SLC35F3: variants seen among roughly 807,000 people sequenced by gnomAD.
SLC35F3 encodes solute carrier family 35 member F3.
A neutral mutation model predicts 49.9 loss-of-function variants in SLC35F3; 25 were observed. That is an observed-to-expected ratio of 0.50 (90% CI 0.37 to 0.70). The LOEUF (loss-of-function observed/expected upper bound fraction) is 0.70, where lower values mean the gene tolerates loss of function less well. SLC35F3 is among the 30% of genes least tolerant of loss of function. The pLI, the probability that SLC35F3 is intolerant of heterozygous loss-of-function variation, is 0.00. For synonymous variants in SLC35F3, 275 were observed against 265.4 expected (o/e 1.04, Z -0.35); for missense variants, 525 against 639.8 (o/e 0.82, Z 1.94).
intron 2 of SLC35F3, among the ~76,000 whole-genome samples, chr1:234,121,303 A>AT (rs1015203882): frequency 1.3e-5 from 2 of 151,416 alleles, no homozygotes; most frequent in African/African-American, 4.9e-5. Flanking sequence ...CACCCGGCTA[A>AT]TTTTTTTGTA....
At chr1:234,034,559 C>T (rs908274426) in intron 2 of SLC35F3, among the ~76,000 whole-genome samples, 5 of 152,130 alleles carry the variant, frequency 3.3e-5, no homozygotes, top group South Asian at 4.2e-4. Context: ...AATGCTGTGT[C>T]GCCTAGGCTG....
At chr1:234,322,837 T>C (rs1657658620) in intron 7 of SLC35F3, among the ~76,000 whole-genome samples, 171 bp from the exon 8 acceptor site, 1 of 152,164 alleles carries the variant, frequency 6.6e-6, no homozygotes, top group Admixed American at 6.5e-5. Context: ...GGTTGTTTAC[T>C]AGAGGTAACC....
intron 2 of SLC35F3, among the ~76,000 whole-genome samples, chr1:233,995,037 C>G (rs1663435327): frequency 6.6e-6 from 1 of 152,170 alleles, no homozygotes; most frequent in African/African-American, 2.4e-5. Flanking sequence ...TGATCTACCT[C>G]ATAGAGTCAT....
At chr1:233,989,062 G>A (rs1238666934) in intron 2 of SLC35F3, among the ~76,000 whole-genome samples, 1 of 152,168 alleles carries the variant, frequency 6.6e-6, no homozygotes, top group Non-Finnish European at 1.5e-5. Flanking sequence ...CATGTTTGAT[G>A]CTGGATTGAT....
At chr1:234,030,311 A>AAT (rs1664042113) in intron 2 of SLC35F3, among the ~76,000 whole-genome samples, 1 of 152,162 alleles carries the variant, frequency 6.6e-6, no homozygotes, top group Non-Finnish European at 1.5e-5. Flanking sequence ...CTAGAGGAAT[A>AAT]ATGAACCTGT....
intron 2 of SLC35F3, among the ~76,000 whole-genome samples, chr1:233,916,790 A>G (rs1558177589): frequency 2.0e-5 from 3 of 152,198 alleles, no homozygotes; most frequent in African/African-American, 7.2e-5. Context: ...CACCACCACC[A>G]TGTGGTCCCT....
intron 2 of SLC35F3, among the ~76,000 whole-genome samples, chr1:234,151,657 G>A (rs6658656): frequency 0.22 from 33,677 of 152,002 alleles, 4,663 homozygotes; most frequent in Non-Finnish European, 0.32. Context: ...TAAACGTAGC[G>A]TCGTGCCTTA....
chr1:233,981,809 C>T (rs1663190898), intron 2 of SLC35F3, among the ~76,000 whole-genome samples: 2 of 152,244 alleles, frequency 1.3e-5, no homozygotes, highest in African/African-American at 4.8e-5. Flanking sequence ...TCTCATTTCT[C>T]TGCATCCTTG....
At chr1:234,154,718 G>A (rs1666126101) in intron 2 of SLC35F3, among the ~76,000 whole-genome samples, 1 of 152,182 alleles carries the variant, frequency 6.6e-6, no homozygotes, top group Non-Finnish European at 1.5e-5. Context: ...ATCAGCAAAT[G>A]TTAATAATGT....
rs554948326 is a variant in SLC35F3 at position 234,232,238 on chromosome 1, C to G, written c.608+497C>G. Reference sequence around the variant, plus strand: ...TATGTAATTGCATGGGTCTGAATATCTCCCAGTGTGATGGTCAAAACCAAA... The same window carrying G: ...TATGTAATTGCATGGGTCTGAATATGTCCCAGTGTGATGGTCAAAACCAAA... On this transcript the variant is annotated intron_variant, in intron 3 of 7. Coordinates refer to ENST00000366618, the MANE Select transcript of SLC35F3 (RefSeq NM_173508.4). 6.6e-5 allele frequency among the ~76,000 whole-genome samples: 10 copies of G among 152,304 alleles called. No individual in the cohort carries two copies. In the South Asian group the frequency reaches 2.1e-3, roughly 32 times the overall value.
At chr1:233,995,767 A>C (rs1022805944) in intron 2 of SLC35F3, among the ~76,000 whole-genome samples, 2 of 152,098 alleles carry the variant, frequency 1.3e-5, no homozygotes, top group African/African-American at 4.8e-5. Flanking sequence ...CAGCCTTCAA[A>C]AGTCAGTGAG....
intron 2 of SLC35F3, among the ~76,000 whole-genome samples, chr1:233,985,792 T>TCCA (rs1031147618): frequency 2.3e-4 from 35 of 152,362 alleles, no homozygotes; most frequent in African/African-American, 8.4e-4. Context: ...ACCATAGCTG[T>TCCA]CCACCAGTCT....
intron 2 of SLC35F3, among the ~76,000 whole-genome samples, chr1:234,131,557 C>T (rs1665737052): frequency 6.6e-6 from 1 of 152,104 alleles, no homozygotes; most frequent in Non-Finnish European, 1.5e-5. Flanking sequence ...AAAAGTAAAC[C>T]GGACATGGAA....
intron 2 of SLC35F3, among the ~76,000 whole-genome samples, chr1:234,070,568 T>C (rs886830971): frequency 1.3e-5 from 2 of 152,202 alleles, no homozygotes; most frequent in Non-Finnish European, 2.9e-5. Context: ...TATGCCTCTG[T>C]CCCATAGACA....
chr1:234,118,239 C>T (rs889900195), intron 2 of SLC35F3, among the ~76,000 whole-genome samples: 3 of 152,106 alleles, frequency 2.0e-5, no homozygotes, highest in African/African-American at 7.2e-5. Context: ...ATCCTGACTT[C>T]ATGTTACCCT....
At chr1:234,283,548 C>T (rs748475924) in intron 3 of SLC35F3, among the ~76,000 whole-genome samples, 3 of 152,260 alleles carry the variant, frequency 2.0e-5, no homozygotes, top group South Asian at 4.1e-4. Context: ...CTAAGGCAGA[C>T]GGATACTAAC....
rs982548019 is a variant in SLC35F3 at position 234,231,313 on chromosome 1, G to A, written c.284-104G>A. On this transcript the variant is annotated intron_variant, in intron 2 of 7. Coordinates refer to ENST00000366618, the MANE Select transcript of SLC35F3 (RefSeq NM_173508.4). The surrounding 1 kb of genome is among the most constrained non-coding windows in gnomAD (Gnocchi z 5.4). Reference sequence around the variant, plus strand: ...CGCCCCTGCACCCGCTATCTCCCCGGGCCCCCAGGTAGCTGGTGGTGACAA... The same window carrying A: ...CGCCCCTGCACCCGCTATCTCCCCGAGCCCCCAGGTAGCTGGTGGTGACAA... 12 of 993,806 alleles carry A rather than the reference G, an allele frequency of 1.2e-5. No individual in the cohort carries two copies. In the Admixed American group the frequency reaches 3.0e-4, roughly 25 times the overall value. 61.6% of individuals were successfully genotyped at this position (993,806 alleles called of 1,614,324 possible).
intron 2 of SLC35F3, among the ~76,000 whole-genome samples, chr1:234,197,642 C>T (rs1211660306): frequency 6.6e-6 from 1 of 152,214 alleles, no homozygotes; most frequent in Non-Finnish European, 1.5e-5. Flanking sequence ...TTCTCCTGCC[C>T]ACAAGAACCC....
intron 2 of SLC35F3, among the ~76,000 whole-genome samples, chr1:234,160,710 T>C (rs904880312): frequency 2.6e-5 from 4 of 152,154 alleles, no homozygotes; most frequent in Admixed American, 2.0e-4. Flanking sequence ...ACTGAGCCCC[T>C]TGTTAACCCA....
Sources: allele counts gnomAD v4.1 joint callset (sites outside exome capture counted in the v4.1 genomes callset), GRCh38; gene constraint gnomAD v4.1.1; non-coding constraint Gnocchi (gnomAD v3.1); transcripts MANE v1.5; gene names NCBI Gene and HGNC (gene_info 2026-07-23, HGNC 2026-07-21).